Variants in PLXNA2 observed in about 807,000 individuals in gnomAD.
The protein encoded by PLXNA2 is plexin-A2.
In PLXNA2, 91 loss-of-function variants were observed where a neutral mutation model predicts 193.5. The observed-to-expected ratio is 0.47, with a 90% CI of 0.40 to 0.56. PLXNA2 has a LOEUF of 0.56. Ranked by LOEUF, PLXNA2 falls within the 20% of genes least tolerant of loss-of-function variation. The probability of loss-of-function intolerance (pLI) is 0.00; values close to 1 mark genes in which losing one functional copy is unlikely to be tolerated. For missense variants in PLXNA2, 1,995 were observed against 2,503.2 expected, an observed-to-expected ratio of 0.80 and a Z score of 4.33; for synonymous variants, 997 against 1,027.3, an observed-to-expected ratio of 0.97 and a Z score of 0.56.
At chr1:208,116,303 A>G (rs955562929) in intron 4 of PLXNA2, among the ~76,000 whole-genome samples, 13 of 152,170 alleles carry the variant, frequency 8.5e-5, no homozygotes, top group African/African-American at 3.1e-4. Context: ...AACTTTTTAG[A>G]TTACTTATAG....
chr1:208,062,210 T>C (rs1665643084), intron 12 of PLXNA2, among the ~76,000 whole-genome samples: 2 of 152,022 alleles, frequency 1.3e-5, no homozygotes, highest in Admixed American at 1.3e-4. Flanking sequence ...GCTGGTGGAG[T>C]GTCCGATGGG....
rs775187406 is a variant in PLXNA2, at chr1:208,028,990, C to G, written c.5278G>C (p.Asp1760His). Residue 1760 changes from aspartate to histidine, a missense_variant, in exon 30 of 32, where the codon GAC (aspartate) becomes CAC (histidine). Physicochemically the swap from Asp to His is moderately conservative, Grantham distance 81. This residue lies in a region of PLXNA2 where 1,291 missense variants were observed against 1,673.6 expected (regional missense o/e 0.77). Transcript: ENST00000367033. The surrounding 1 kb of genome is among the most constrained non-coding windows in gnomAD (Gnocchi z 4.2). ...NVIKNPQFVF[D>H]IHKGSITDAC... is the part of the protein sequence containing the mutation. ...TCCGTGATGCTGCCCTTGTGGATGT[C>G]AAACACGAACTGGGGGTTCTTAATC... is the stretch of plus-strand genomic sequence containing the variant. 1 of 1,614,032 alleles carries G rather than the reference C, an allele frequency of 6.2e-7. No homozygotes were observed.
rs776807473 is a variant in PLXNA2 at position 208,092,936 on chromosome 1, A to C, written c.1983-36T>G. On this transcript the variant is annotated intron_variant, in intron 8 of 31. Transcript: ENST00000367033. ...AGAGATGGTGAGAGGCAAAGAGAAG[A>C]GAACAAAGAGGGAAGGTGGCATGTG... is the stretch of plus-strand genomic sequence containing the variant. The C allele has an allele frequency of 5.7e-6, 8 of 1,414,060 alleles. No individual in the cohort carries two copies. In the African/African-American group the frequency reaches 1.1e-4, roughly 20 times the overall value. 87.6% of individuals were successfully genotyped at this position (1,414,060 alleles called of 1,614,324 possible).
In PLXNA2 at chr1:208,027,999, C is replaced by T. The variant is rs749325670; in HGVS notation, c.5589+10G>A. Reference sequence around the variant, plus strand: ...TGTTGGTTTCTGTCCCTGCTGGGGCCCTGTCTCACCTCCTCACTATACTTG... The same window carrying T: ...TGTTGGTTTCTGTCCCTGCTGGGGCTCTGTCTCACCTCCTCACTATACTTG... On this transcript the variant is annotated intron_variant, in intron 31 of 31. Coordinates refer to ENST00000367033, the MANE Select transcript of PLXNA2 (RefSeq NM_025179.4). 3.9e-6 allele frequency: 6 copies of T among 1,557,454 alleles called. No homozygotes were observed. The highest frequency in any genetic ancestry group is 2.8e-5 in the African/African-American group (2 of 72,684).
chr1:208,214,234 A>C (rs576556715), intron 2 of PLXNA2, among the ~76,000 whole-genome samples: 1 of 152,242 alleles, frequency 6.6e-6, no homozygotes, highest in East Asian at 1.9e-4. Context: ...ATTAATAATC[A>C]TAGCGGCCCA....
chr1:208,221,375 T>C (rs1671327766), intron 1 of PLXNA2, among the ~76,000 whole-genome samples: 2 of 144,714 alleles, frequency 1.4e-5, no homozygotes, highest in Non-Finnish European at 1.5e-5. Context: ...GCTTTTTTCT[T>C]TTTCTGTTTT....
In PLXNA2 at chr1:208,033,474, G is replaced by A; in HGVS notation, c.4900C>T (p.Leu1634=). The A allele has an allele frequency of 1.9e-6, 3 of 1,612,936 alleles. No individual in the cohort carries two copies. In the African/African-American group the frequency reaches 4.0e-5, roughly 21 times the overall value. The part of the protein sequence containing the change: ...SFRYTGSPDS[L]RSRAPMITPD... Reference sequence around the variant, plus strand: ...GTGATCATCGGGGCCCGGGACCGCAGGCTGTCGGGGCTGCCCGTATACCTG... The same window carrying A: ...GTGATCATCGGGGCCCGGGACCGCAAGCTGTCGGGGCTGCCCGTATACCTG... Residue 1634 remains leucine, a synonymous_variant, in exon 28 of 32, where the codon CTG becomes TTG. Transcript: ENST00000367033.
rs551089660 is a variant in PLXNA2, at chr1:208,123,597, C to T, written c.1506+18732G>A. Among the ~76,000 whole-genome samples the T allele has an allele frequency of 4.6e-5, 7 of 152,312 alleles. No individual in the cohort carries two copies. The South Asian group carries it at 1.2e-3, about 27-fold the overall frequency. ...ATGTTAAGAGACAAATAAGGGTCTC[C>T]TGGTAGTCTGTCCATATGTCTCTCT... On this transcript the variant is annotated intron_variant, in intron 4 of 31. Transcript: ENST00000367033.
rs760228059 is a variant in PLXNA2, at chr1:208,060,640, C to A, written c.2738+46G>T. ...GGGAGAGGGGAGAGTCTCCAGTCTC[C>A]ACTCTGAAGCTCCCATGGGAAAAGG... On this transcript the variant is annotated intron_variant, in intron 13 of 31. Transcript: ENST00000367033. The A allele has an allele frequency of 2.6e-6, 4 of 1,560,230 alleles. No homozygotes were observed. In the African/African-American group the frequency reaches 5.5e-5, roughly 21 times the overall value.
intron 12 of PLXNA2, among the ~76,000 whole-genome samples, chr1:208,064,119 C>T (rs1558172635): frequency 6.6e-6 from 1 of 152,202 alleles, no homozygotes; most frequent in Non-Finnish European, 1.5e-5. Context: ...TTTCTCCCAT[C>T]TACCACAAAT....
intron 17 of PLXNA2, among the ~76,000 whole-genome samples, chr1:208,046,371 C>T (rs952329172): frequency 6.6e-6 from 1 of 152,070 alleles, no homozygotes; most frequent in African/African-American, 2.4e-5. Flanking sequence ...TGGCACTGTG[C>T]TAGGAGGTGG....
intron 29 of PLXNA2, chr1:208,030,294 C>T (rs933968080): frequency 2.4e-5 from 24 of 985,414 alleles, no homozygotes; most frequent in Admixed American, 1.8e-4. Context: ...CTCCACACCA[C>T]GATGCCAGGG....
chr1:208,160,638 C>G (rs1558222276), intron 3 of PLXNA2, among the ~76,000 whole-genome samples: 1 of 152,220 alleles, frequency 6.6e-6, no homozygotes, highest in Admixed American at 6.5e-5. Context: ...AGGTTTAGAG[C>G]ACAGATTTGG....
intron 2 of PLXNA2, among the ~76,000 whole-genome samples, chr1:208,212,353 A>C (rs1670989956): frequency 6.6e-6 from 1 of 152,074 alleles, no homozygotes; most frequent in Non-Finnish European, 1.5e-5. Flanking sequence ...GTGGTTCCAC[A>C]GTGTTTTGTA....
chr1:208,054,841 C>T (rs907827787), intron 13 of PLXNA2, among the ~76,000 whole-genome samples: 1 of 152,232 alleles, frequency 6.6e-6, no homozygotes, highest in African/African-American at 2.4e-5. Flanking sequence ...AGCGCAGTGC[C>T]TGGCATTGGG....
intron 12 of PLXNA2, among the ~76,000 whole-genome samples, chr1:208,077,836 A>G (rs1666210231): frequency 1.3e-5 from 2 of 152,178 alleles, no homozygotes; most frequent in Admixed American, 1.3e-4. Flanking sequence ...TCTGTCTTTG[A>G]AAGGCAGTGT....
At chr1:208,179,843 G>T (rs990216949) in intron 3 of PLXNA2, among the ~76,000 whole-genome samples, 5 of 152,208 alleles carry the variant, frequency 3.3e-5, no homozygotes, top group African/African-American at 1.2e-4. Context: ...TCATCTGGTA[G>T]CATCTTCCTT....
intron 3 of PLXNA2, among the ~76,000 whole-genome samples, chr1:208,157,747 C>T (rs951061475): frequency 2.6e-5 from 4 of 152,096 alleles, no homozygotes; most frequent in South Asian, 2.1e-4. Context: ...AGGAGAGCCA[C>T]GGGGGTGGAG....
At chr1:208,069,863 G>C (rs1665926689) in intron 12 of PLXNA2, among the ~76,000 whole-genome samples, 1 of 152,220 alleles carries the variant, frequency 6.6e-6, no homozygotes, top group Non-Finnish European at 1.5e-5. Context: ...TTTCACGTTT[G>C]TTAAGTGCTT....
Sources: gnomAD v4.1 joint callset for allele counts (sites outside exome capture counted in the v4.1 genomes callset) on GRCh38, gnomAD v4.1.1 for gene constraint, gnomAD v4.1.1 regional missense constraint, Gnocchi (gnomAD v3.1) non-coding constraint, MANE v1.5 for transcripts, NCBI Gene and HGNC (gene_info 2026-07-23, HGNC 2026-07-21) for gene names.